The following BRINP1 variants were observed in gnomAD, a reference collection of about 807,000 sequenced individuals.
The protein encoded by BRINP1 is BMP/retinoic acid inducible neural specific 1.
A neutral mutation model predicts 72.9 loss-of-function variants in BRINP1; 17 were observed. That is an observed-to-expected ratio of 0.23 (90% CI 0.16 to 0.35). BRINP1 has a LOEUF of 0.35. BRINP1 is among the 10% of genes least tolerant of loss of function. The pLI, the probability that BRINP1 is intolerant of heterozygous loss-of-function variation, is 1.00. For missense variants in BRINP1, 850 were observed against 1,001.6 expected (o/e 0.85, Z 2.04); for synonymous variants, 418 against 378.5 (o/e 1.10, Z -1.21).
chr9:119,198,809 T>G (rs1334871624), intron 7 of BRINP1, among the ~76,000 whole-genome samples: 1 of 151,950 alleles, frequency 6.6e-6, no homozygotes, highest in Middle Eastern at 3.2e-3. Context: ...GTAGCTGGGA[T>G]TACAGGTGTG....
At chr9:119,367,219 T>TATATATATATATATATATATATA (rs1219045184) in intron 1 of BRINP1, among the ~76,000 whole-genome samples, 4 of 56,512 alleles carry the variant, frequency 7.1e-5, no homozygotes, top group Admixed American at 2.1e-4. Flanking sequence ...GTGTGTGTGA[T>TATATATATATATATATATATATA]TGATATATAT....
intron 5 of BRINP1, among the ~76,000 whole-genome samples, chr9:119,214,657 A>G (rs1362552020): frequency 6.6e-6 from 1 of 151,982 alleles, no homozygotes; most frequent in East Asian, 1.9e-4. Context: ...GTAGACATGG[A>G]CGCACATCAT....
intron 7 of BRINP1, among the ~76,000 whole-genome samples, chr9:119,205,223 G>A (rs2118867263): frequency 1.3e-5 from 2 of 152,272 alleles, no homozygotes; most frequent in South Asian, 4.1e-4. Flanking sequence ...GAAGGCTTCA[G>A]AGGAATTAGC....
chr9:119,355,448 G>A (rs745681209), intron 1 of BRINP1, among the ~76,000 whole-genome samples: 5 of 152,078 alleles, frequency 3.3e-5, no homozygotes, highest in Admixed American at 6.5e-5. Context: ...GATACACCCG[G>A]CCGGGCACGG....
At chr9:119,264,950 C>T (rs920009151) in intron 2 of BRINP1, among the ~76,000 whole-genome samples, 2 of 152,286 alleles carry the variant, frequency 1.3e-5, no homozygotes, top group South Asian at 2.1e-4. Flanking sequence ...GGATTACAGG[C>T]GTGAGCCACC....
chr9:119,184,326 T>C (rs1183368761), intron 7 of BRINP1, among the ~76,000 whole-genome samples: 1 of 152,162 alleles, frequency 6.6e-6, no homozygotes, highest in Non-Finnish European at 1.5e-5. Context: ...ACACCCTCGG[T>C]TGCCACCATT....
chr9:119,258,455 A>T (rs995664520), intron 2 of BRINP1, among the ~76,000 whole-genome samples: 3 of 152,138 alleles, frequency 2.0e-5, no homozygotes, highest in African/African-American at 7.2e-5. Flanking sequence ...CTTAGAATGC[A>T]CTTGTTTTAT....
At chr9:119,182,913 CCACTT>C (rs1378271764) in intron 7 of BRINP1, among the ~76,000 whole-genome samples, 4 of 152,164 alleles carry the variant, frequency 2.6e-5, no homozygotes, top group South Asian at 2.1e-4. Context: ...CAATGAATCT[CCACTT>C]CATTCACTAT....
chr9:119,355,552 C>T (rs1034070158), intron 1 of BRINP1, among the ~76,000 whole-genome samples: 1 of 152,102 alleles, frequency 6.6e-6, no homozygotes, highest in South Asian at 2.1e-4. Flanking sequence ...CATGGTAAAA[C>T]CCCATCTCTA....
chr9:119,169,567 A>T lies in BRINP1; in HGVS notation c.1146-1343T>A, dbSNP rs561496931. Among the ~76,000 whole-genome samples, 27 of 152,360 alleles carry T rather than the reference A, an allele frequency of 1.8e-4. 1 individual carries two copies. Among genetic ancestry groups the T allele is most frequent in the African/African-American group, 6.5e-4 (27 of 41,598 alleles). ...GCGGGCTGGGGGAGGGGCGCCCGCC[A>T]TTGCCCAGGCTTGATTAGGTAAACA... On this transcript the variant is annotated intron_variant, in intron 7 of 7. Coordinates refer to ENST00000265922, the MANE Select transcript of BRINP1 (RefSeq NM_014618.3).
chr9:119,294,241 G>A (rs947219240), intron 2 of BRINP1, among the ~76,000 whole-genome samples: 154 of 152,286 alleles, frequency 1.0e-3, no homozygotes, highest in African/African-American at 3.5e-3. Flanking sequence ...ATTATAAAAC[G>A]TTGATGAGGC....
At chr9:119,335,189 C>G (rs1041110984) in intron 1 of BRINP1, among the ~76,000 whole-genome samples, 1 of 152,160 alleles carries the variant, frequency 6.6e-6, no homozygotes, top group Non-Finnish European at 1.5e-5. Flanking sequence ...AACTGTTAAC[C>G]TAAGGCTGCT....
Position 119,167,276 on chromosome 9 carries a change from A to G in BRINP1, c.2094T>C (p.Asp698=). 6.2e-7 allele frequency: 1 copy of G among 1,614,182 alleles called. No homozygotes were observed. Among genetic ancestry groups the G allele is most frequent in the South Asian group, 1.1e-5 (1 of 91,082 alleles). Residue 698 remains aspartate (D), a synonymous_variant, in exon 8 of 8, where the codon GAT becomes GAC. Transcript: ENST00000265922. The surrounding 1 kb of genome is among the most constrained non-coding windows in gnomAD (Gnocchi z 4.3). ...CCAGGCGATTAATTCGGTCCCGAAT[A>G]TCCAACAAGAGGAGCATCACTGACG... ...SSSSVMLLLL[D]IRDRINRLAP...
chr9:119,188,628 T>C lies in BRINP1; in HGVS notation c.1145+20091A>G, dbSNP rs113052541. 5.4e-3 allele frequency among the ~76,000 whole-genome samples: 816 copies of C among 151,852 alleles called. 6 individuals carry two copies. Among genetic ancestry groups the C allele is most frequent in the Non-Finnish European group, 9.1e-3 (618 of 67,860 alleles). On this transcript the variant is annotated intron_variant, in intron 7 of 7. Coordinates refer to ENST00000265922, the MANE Select transcript of BRINP1 (RefSeq NM_014618.3). ...AGTTTTAAAAATAATCATAAAAAAA[T>C]ACAATTAGCCAAGCATGGTGGTATG...
At chr9:119,312,673 T>C (rs1480896681) in intron 2 of BRINP1, among the ~76,000 whole-genome samples, 1 of 152,182 alleles carries the variant, frequency 6.6e-6, no homozygotes, top group African/African-American at 2.4e-5. Flanking sequence ...ATCAGCAGCA[T>C]TCTCAAAACA....
intron 1 of BRINP1, among the ~76,000 whole-genome samples, chr9:119,346,150 T>C (rs1741167201): frequency 6.6e-6 from 1 of 152,210 alleles, no homozygotes; most frequent in African/African-American, 2.4e-5. Context: ...AGGTACTCTA[T>C]GTTTTTGATT....
intron 2 of BRINP1, among the ~76,000 whole-genome samples, chr9:119,284,289 A>G (rs995667641): frequency 6.6e-6 from 1 of 152,228 alleles, no homozygotes; most frequent in African/African-American, 2.4e-5. Context: ...TTTCACACTC[A>G]GAGCCAGAAT....
At chr9:119,195,884 CT>C (rs1373645644) in intron 7 of BRINP1, among the ~76,000 whole-genome samples, 1 of 152,078 alleles carries the variant, frequency 6.6e-6, no homozygotes, top group Admixed American at 6.6e-5. Context: ...GTGTAAACCA[CT>C]TTTTTTTCCA....
intron 2 of BRINP1, among the ~76,000 whole-genome samples, chr9:119,304,263 G>A (rs1173391483): frequency 6.6e-6 from 1 of 152,126 alleles, no homozygotes; most frequent in Admixed American, 6.5e-5. Flanking sequence ...AGAAATTGAG[G>A]CTCACATGGT....
Sources: gnomAD v4.1 joint callset for allele counts (sites outside exome capture counted in the v4.1 genomes callset) on GRCh38, gnomAD v4.1.1 for gene constraint, Gnocchi (gnomAD v3.1) non-coding constraint, MANE v1.5 for transcripts, NCBI Gene and HGNC (gene_info 2026-07-23, HGNC 2026-07-21) for gene names.